NPEPL1: variants seen among roughly 807,000 people sequenced by gnomAD.
NPEPL1 encodes the protein probable aminopeptidase NPEPL1.
NPEPL1 carries 45 observed loss-of-function variants against 52.4 expected under a neutral mutation model. The observed-to-expected ratio is 0.86, with a 90% CI of 0.68 to 1.10. NPEPL1 has a LOEUF of 1.10. Ranked by LOEUF, NPEPL1 falls within the 50% of genes least tolerant of loss-of-function variation. The pLI, the probability that NPEPL1 is intolerant of heterozygous loss-of-function variation, is 0.00. For missense variants in NPEPL1, 696 were observed against 710.9 expected, an observed-to-expected ratio of 0.98 and a Z score of 0.24; for synonymous variants, 360 against 314.7, an observed-to-expected ratio of 1.14 and a Z score of -1.52.
chr20:58,703,093 A>C (rs945337106), intron 6 of NPEPL1, among the ~76,000 whole-genome samples: 9 of 152,110 alleles, frequency 5.9e-5, no homozygotes, highest in African/African-American at 2.2e-4. Context: ...TGGGCCCTGG[A>C]GGCCCCGACT....
intron 6 of NPEPL1, 101 bp from the exon 7 acceptor site, chr20:58,707,022 A>C: frequency 1.1e-5 from 11 of 985,012 alleles, no homozygotes; most frequent in Non-Finnish European, 1.6e-5. Flanking sequence ...GAGCTGGGGA[A>C]GGTGGGGCTA....
At chr20:58,695,330 T>G (rs1448064100) in intron 3 of NPEPL1, among the ~76,000 whole-genome samples, 1 of 144,684 alleles carries the variant, frequency 6.9e-6, no homozygotes, top group African/African-American at 2.5e-5. Context: ...GGTGTGTGTG[T>G]GGTGTGTGTG....
rs536443634 is a variant in NPEPL1 at position 58,698,966 on chromosome 20, C to T, written c.597+193C>T. 2.6e-5 allele frequency among the ~76,000 whole-genome samples: 4 copies of T among 152,352 alleles called. No homozygotes were observed. In the East Asian group the frequency reaches 7.7e-4, roughly 29 times the overall value. ...GAAAGGGTGTGTGGGGAGGACAGAG[C>T]CTCCTCTTCAAGGCCCCTTGGCAGG... On this transcript the variant is annotated intron_variant, in intron 4 of 11. Coordinates refer to ENST00000356091, the MANE Select transcript of NPEPL1 (RefSeq NM_024663.4).
chr20:58,707,274 G>A lies in NPEPL1; in HGVS notation c.900+74G>A, dbSNP rs568865798. 9.6e-4 allele frequency: 1,268 copies of A among 1,320,346 alleles called. 12 individuals are homozygous for A. Among genetic ancestry groups the A allele is most frequent in the East Asian group, 5.3e-3 (210 of 39,634 alleles). The allele number at this position is 1,320,346 out of a possible 1,614,324, so 81.8% of individuals were successfully genotyped here. ...GTGGGTGCTCCCCTCTCCCCTGTCC[G>A]TCCCGCCACAGGCCCCACCAGGGTC... On this transcript the variant is annotated intron_variant, in intron 7 of 11. Coordinates refer to ENST00000356091, the MANE Select transcript of NPEPL1 (RefSeq NM_024663.4).
At chr20:58,697,842 A>G (rs963561630) in intron 3 of NPEPL1, among the ~76,000 whole-genome samples, 2 of 152,246 alleles carry the variant, frequency 1.3e-5, no homozygotes, top group African/African-American at 4.8e-5. Context: ...GCTGAAGGAC[A>G]CATTTTTGGG....
At position 58,713,258 on chromosome 20, in the gene NPEPL1, A is replaced by G; in HGVS notation, c.1002-162A>G. On this transcript the variant is annotated intron_variant, in intron 8 of 11. Coordinates refer to ENST00000356091, the MANE Select transcript of NPEPL1 (RefSeq NM_024663.4). This position sits in a 1 kb window ranked among gnomAD's most constrained non-coding sequence, Gnocchi z 4.6. ...TTTGCTCCAGGCACTGCATTGCTGTAGGGACTGGGGGCATCCCGGCCTTCC... is the reference window on the plus strand; with the variant it reads ...TTTGCTCCAGGCACTGCATTGCTGTGGGGACTGGGGGCATCCCGGCCTTCC... 1 of 843,376 alleles carries G rather than the reference A, an allele frequency of 1.2e-6. No homozygotes were observed. Among genetic ancestry groups the G allele is most frequent in the Non-Finnish European group, 1.8e-6 (1 of 558,458 alleles). 52.2% of individuals were successfully genotyped at this position (843,376 alleles called of 1,614,324 possible). A position where few individuals can be genotyped will look rare whatever the true frequency, so the allele number is the denominator to read the frequency against.
At chr20:58,694,371 TC>T (rs1568846600) in intron 2 of NPEPL1, 50 bp from the exon 3 acceptor site, 1 of 1,535,748 alleles carries the variant, frequency 6.5e-7, no homozygotes, top group Non-Finnish European at 8.8e-7. Context: ...CTCCCTGCAC[TC>T]CCTGGTGGCG....
intron 10 of NPEPL1, 69 bp from the exon 11 acceptor site, chr20:58,714,491 C>A: frequency 4.4e-6 from 5 of 1,136,640 alleles, no homozygotes; most frequent in African/African-American, 1.6e-5. Context: ...TAGTGACAGG[C>A]GATGGGGCAG....
intron 3 of NPEPL1, among the ~76,000 whole-genome samples, chr20:58,698,401 A>G (rs1168632038): frequency 6.6e-6 from 1 of 152,150 alleles, no homozygotes; most frequent in East Asian, 1.9e-4. Flanking sequence ...GAAAAGATCC[A>G]GATACAGAAG....
intron 7 of NPEPL1, among the ~76,000 whole-genome samples, chr20:58,709,704 A>C (rs911775258): frequency 5.9e-5 from 9 of 152,232 alleles, no homozygotes. Context: ...GGAAGGACAG[A>C]GCATTTCTGC....
chr20:58,701,717 T>C (rs1279327981), intron 6 of NPEPL1, among the ~76,000 whole-genome samples: 1 of 151,770 alleles, frequency 6.6e-6, no homozygotes, highest in Non-Finnish European at 1.5e-5. Context: ...CTGCCCATGG[T>C]CCCCACTGAG....
intron 10 of NPEPL1, 125 bp downstream of exon 10, chr20:58,714,218 G>A (rs1034694555): frequency 8.7e-6 from 9 of 1,038,126 alleles, no homozygotes; most frequent in Admixed American, 3.1e-5. Context: ...CAGTGCAGAC[G>A]AGGGCTTGAG....
chr20:58,713,901 G>T lies in NPEPL1; in HGVS notation c.1126-16G>T. ...GCCGTCCCGTCCACACGCTTCCCGG[G>T]TTCCTGCCCGCCCAGGGCATTGCCA... is the stretch of plus-strand genomic sequence containing the variant. On this transcript the variant is annotated splice_polypyrimidine_tract_variant and intron_variant, in intron 9 of 11. Coordinates refer to ENST00000356091, the MANE Select transcript of NPEPL1 (RefSeq NM_024663.4). This position sits in a 1 kb window ranked among gnomAD's most constrained non-coding sequence, Gnocchi z 4.6. 1 of 1,451,228 alleles carries T rather than the reference G, an allele frequency of 6.9e-7. No individual in the cohort carries two copies. Among genetic ancestry groups the T allele is most frequent in the Non-Finnish European group, 9.0e-7 (1 of 1,104,990 alleles). The allele number at this position is 1,451,228 out of a possible 1,614,324, so 89.9% of individuals were successfully genotyped here.
At chr20:58,693,981 GC>G in intron 2 of NPEPL1, 59 bp downstream of exon 2, 2 of 1,463,068 alleles carry the variant, frequency 1.4e-6, no homozygotes, top group East Asian at 2.5e-5. Context: ...GTGAGCTCGG[GC>G]CTGGGGAGCT....
chr20:58,714,690 A>C lies in NPEPL1; in HGVS notation c.1413+20A>C. On this transcript the variant is annotated intron_variant, in intron 11 of 11. Coordinates refer to ENST00000356091, the MANE Select transcript of NPEPL1 (RefSeq NM_024663.4). ...CATGCTGTGAGTGTCTCCCCTCCCCACTGGCCCTGGCTGCTCCCGCCCGCT... is the reference window on the plus strand; with the variant it reads ...CATGCTGTGAGTGTCTCCCCTCCCCCCTGGCCCTGGCTGCTCCCGCCCGCT... 2 of 1,550,222 alleles carry C rather than the reference A, an allele frequency of 1.3e-6. No homozygotes were observed. Among genetic ancestry groups the C allele is most frequent in the Admixed American group, 1.9e-5 (1 of 53,900 alleles).
intron 3 of NPEPL1, 71 bp from the exon 4 acceptor site, chr20:58,698,613 T>G (rs2084541238): frequency 1.6e-6 from 2 of 1,271,404 alleles, no homozygotes; most frequent in African/African-American, 2.9e-5. Context: ...TGCCTTTTGT[T>G]CCTGGGGGAT....
At chr20:58,706,375 C>G (rs913856179) in intron 6 of NPEPL1, among the ~76,000 whole-genome samples, 2 of 152,134 alleles carry the variant, frequency 1.3e-5, no homozygotes. Context: ...TCACATCAAC[C>G]CTCACCATCA....
At position 58,701,095 on chromosome 20, in the gene NPEPL1, G is replaced by C; in HGVS notation, c.759G>C (p.Gln253His). Residue 253 changes from glutamine (Q) to histidine (H), a missense_variant, in exon 6 of 12, where the codon CAG (glutamine) becomes CAC (histidine). Transcript: ENST00000356091. ...GCCACACCCCAGATGGAGCCACGCA[G>C]ACCATCGCCTGGGTGGGCAAAGGCA... Reference protein sequence around the residue: ...VLSHTPDGATQTIAWVGKGIV... With the variant: ...VLSHTPDGATHTIAWVGKGIV... 1 of 1,594,570 alleles carries C rather than the reference G, an allele frequency of 6.3e-7. No individual in the cohort carries two copies. The highest frequency in any genetic ancestry group is 8.5e-7 in the Non-Finnish European group (1 of 1,171,472).
chr20:58,694,492 A>G lies in NPEPL1; in HGVS notation c.407A>G (p.His136Arg). 2.5e-6 allele frequency: 4 copies of G among 1,613,744 alleles called. No homozygotes were observed. Among genetic ancestry groups the G allele is most frequent in the Non-Finnish European group, 3.4e-6 (4 of 1,179,836 alleles). The change falls in exon 3 of 12, where the codon CAC becomes CGC. Residue 136 changes from histidine (H) to arginine (R), a missense_variant. Transcript: ENST00000356091. Reference sequence around the variant, plus strand: ...GCCCGGGCCTTCCCGCTGTTCACCCACCGCTCAGGTGCCTCTCGGCGCTTG... The same window carrying G: ...GCCCGGGCCTTCCCGCTGTTCACCCGCCGCTCAGGTGCCTCTCGGCGCTTG... ...ALARAFPLFT[H>R]RSGASRRLEK...
Sources: gnomAD v4.1 joint callset for allele counts (sites outside exome capture counted in the v4.1 genomes callset) on GRCh38, gnomAD v4.1.1 for gene constraint, Gnocchi (gnomAD v3.1) non-coding constraint, MANE v1.5 for transcripts, NCBI Gene and HGNC (gene_info 2026-07-23, HGNC 2026-07-21) for gene names.